Variants in MOCS1 observed in about 807,000 individuals in gnomAD.
MOCS1 encodes the protein molybdenum cofactor synthesis 1.
In MOCS1, 39 loss-of-function variants were observed where a neutral mutation model predicts 57.6. The ratio of observed to expected loss-of-function variants is 0.68; its 90% CI spans 0.52 to 0.88. The LOEUF is 0.88. Among genes scored for constraint, MOCS1 ranks in the 40% least tolerant of loss-of-function variants. The pLI is 0.00. For synonymous variants in MOCS1, 334 were observed against 335.7 expected (o/e 1.00, Z 0.05); for missense variants, 795 against 831.1 (o/e 0.96, Z 0.53).
At chr6:39,912,717 C>T (rs1397628684) in intron 7 of MOCS1, among the ~76,000 whole-genome samples, 175 bp downstream of exon 7, 4 of 152,192 alleles carry the variant, frequency 2.6e-5, no homozygotes, top group Non-Finnish European at 5.9e-5. Flanking sequence ...GCCGAGCCCA[C>T]ATCTTCATCC....
At chr6:39,907,235 G>A in intron 10 of MOCS1, 118 bp from the exon 11 acceptor site, 2 of 1,105,898 alleles carry the variant, frequency 1.8e-6, no homozygotes, top group Non-Finnish European at 2.5e-6. Flanking sequence ...ACCGGGGAAA[G>A]AGGAATGAAG....
Position 39,913,795 on chromosome 6 carries a change from C to A in MOCS1, c.624G>T (p.Glu208Asp), listed in dbSNP as rs554596404. ...KVMEGIHKAI[E>D]LGYNPVKVNC... ...TCACCTTCACAGGGTTGTAGCCCAGCTCGATGGCCTTGTGGATGCCCTCCA... is the reference window on the plus strand; with the variant it reads ...TCACCTTCACAGGGTTGTAGCCCAGATCGATGGCCTTGTGGATGCCCTCCA... Residue 208 changes from glutamate to aspartate, a missense_variant, in exon 5 of 11, where the codon GAG becomes GAT. Physicochemically the swap from Glu to Asp is conservative, Grantham distance 45. Coordinates refer to ENST00000340692, the MANE Select transcript of MOCS1 (RefSeq NM_001358530.2). 1 of 1,614,190 alleles carries A rather than the reference C, an allele frequency of 6.2e-7. No homozygotes were observed. The highest frequency in any genetic ancestry group is 8.5e-7 in the Non-Finnish European group (1 of 1,180,036).
At position 39,905,908 on chromosome 6, in the gene MOCS1, C is replaced by T. The variant is rs1766878281; in HGVS notation, c.*449G>A. ...GAGAAGTTGGGATCCATTCTTCAGG[C>T]AAGCTTGTGCTTTGCTCTCCTCAAA... On this transcript the variant is annotated 3_prime_UTR_variant, in exon 11 of 11. Coordinates refer to ENST00000340692, the MANE Select transcript of MOCS1 (RefSeq NM_001358530.2). 1 of 466,624 alleles carries T rather than the reference C, an allele frequency of 2.1e-6. No homozygotes were observed. Among genetic ancestry groups the T allele is most frequent in the African/African-American group, 2.0e-5 (1 of 49,818 alleles). 28.9% of individuals were successfully genotyped at this position (466,624 alleles called of 1,614,324 possible).
At chr6:39,912,428 C>T in intron 7 of MOCS1, 54 bp from the exon 8 acceptor site, 3 of 1,261,644 alleles carry the variant, frequency 2.4e-6, no homozygotes, top group Non-Finnish European at 3.5e-6. Context: ...GGCTACTGAG[C>T]CCAGTTTCTC....
At chr6:39,916,707 C>T (rs773510807) in intron 3 of MOCS1, among the ~76,000 whole-genome samples, 29 of 152,052 alleles carry the variant, frequency 1.9e-4, no homozygotes, top group Non-Finnish European at 3.2e-4. Flanking sequence ...CTCCATTCTA[C>T]CAAATATCCC....
At chr6:39,909,148 G>GGAGAGGGAGAGGAAAGCAGGGGAGGGT in intron 9 of MOCS1, 46 bp from the exon 10 acceptor site, 1 of 1,121,178 alleles carries the variant, frequency 8.9e-7, no homozygotes, top group East Asian at 2.4e-5. Context: ...CAGGGGAGGG[G>GGAGAGGGAGAGGAAAGCAGGGGAGGGT]GAGAGGGAGA....
In MOCS1 at chr6:39,934,420, A is replaced by AGCCT. The variant is rs1265565880; in HGVS notation, c.-7_-4dup. 1.3e-5 allele frequency: 20 copies of AGCCT among 1,567,696 alleles called. No homozygotes were observed. The highest frequency in any genetic ancestry group is 2.0e-4 in the Middle Eastern group (1 of 4,938). ...CGGGACAGTGGCCGCGCCGCCATGA[A>AGCCT]GCCTGATACGAGCGGAACCGCAGCC... On this transcript the variant is annotated 5_prime_UTR_variant, in exon 1 of 11. Transcript: ENST00000340692.
Position 39,904,589 on chromosome 6 carries a change from T to G in MOCS1, c.*1768A>C. 1 of 447,500 alleles carries G rather than the reference T, an allele frequency of 2.2e-6. No homozygotes were observed. Among genetic ancestry groups the G allele is most frequent in the Non-Finnish European group, 4.4e-6 (1 of 225,746 alleles). 27.7% of individuals were successfully genotyped at this position (447,500 alleles called of 1,614,324 possible). On this transcript the variant is annotated 3_prime_UTR_variant, in exon 11 of 11. Transcript: ENST00000340692. ...TCTCCCCTGTGATGGAAATAAAGTG[T>G]TTAGGGCAGTGGGAGGAGAAAATTC...
chr6:39,922,905 C>T (rs1189076447), intron 3 of MOCS1, among the ~76,000 whole-genome samples: 4 of 152,222 alleles, frequency 2.6e-5, no homozygotes, highest in Non-Finnish European at 2.9e-5. Flanking sequence ...CTTCTGTTCT[C>T]TCTCTTCCCC....
rs541038332 is a variant in MOCS1 at position 39,910,877 on chromosome 6, G to A, written c.982-922C>T. Among the ~76,000 whole-genome samples the A allele has an allele frequency of 1.7e-4, 26 of 150,702 alleles. No homozygotes were observed. In the South Asian group the frequency reaches 5.6e-3, roughly 33 times the overall value. ...TGGGAGATCAATGGGTAAAGGGAAAGAACAATCTTCAGGCATTTCTCCCCT... is the reference window on the plus strand; with the variant it reads ...TGGGAGATCAATGGGTAAAGGGAAAAAACAATCTTCAGGCATTTCTCCCCT... On this transcript the variant is annotated intron_variant, in intron 8 of 10. Transcript: ENST00000340692.
chr6:39,914,724 T>C (rs1228198546), intron 4 of MOCS1, among the ~76,000 whole-genome samples: 1 of 152,152 alleles, frequency 6.6e-6, no homozygotes, highest in African/African-American at 2.4e-5. Flanking sequence ...GAAAAATGTA[T>C]AGCTTTGAAA....
At chr6:39,929,867 A>C (rs1248662216) in intron 1 of MOCS1, among the ~76,000 whole-genome samples, 1 of 148,858 alleles carries the variant, frequency 6.7e-6, no homozygotes, top group East Asian at 2.1e-4. Context: ...GCTTGAACCC[A>C]GAAGGCAGAT....
At position 39,906,281 on chromosome 6, in the gene MOCS1, A is replaced by G. The variant is rs1766923347; in HGVS notation, c.*76T>C. ...ACAAACAGTGACTGTGATTAAAGGA[A>G]CCTGACGTCTTTCCCTCAGCCTACA... On this transcript the variant is annotated 3_prime_UTR_variant, in exon 11 of 11. Transcript: ENST00000340692. 1 of 1,567,912 alleles carries G rather than the reference A, an allele frequency of 6.4e-7. No individual in the cohort carries two copies. Among genetic ancestry groups the G allele is most frequent in the Non-Finnish European group, 8.8e-7 (1 of 1,141,260 alleles).
intron 5 of MOCS1, 64 bp from the exon 6 acceptor site, chr6:39,913,492 T>C (rs1041915729): frequency 2.1e-5 from 31 of 1,443,746 alleles, no homozygotes; most frequent in Non-Finnish European, 2.9e-5. Context: ...GAGATGACCC[T>C]TGGGGGCCTG....
intron 1 of MOCS1, 140 bp from the exon 2 acceptor site, chr6:39,927,595 G>A (rs763584470): frequency 5.6e-6 from 9 of 1,605,404 alleles, no homozygotes; most frequent in East Asian, 2.2e-5. Flanking sequence ...GCTCTGCAAT[G>A]TTGGGGAAGC....
At chr6:39,913,690 C>T (rs554537697) in intron 5 of MOCS1, 84 bp downstream of exon 5, 3 of 1,474,868 alleles carry the variant, frequency 2.0e-6, no homozygotes, top group Non-Finnish European at 2.8e-6. Context: ...GCTGAGGGCT[C>T]TCAAGTGGGC....
chr6:39,914,003 C>A (rs182509101), intron 4 of MOCS1, among the ~76,000 whole-genome samples, 168 bp from the exon 5 acceptor site: 2 of 152,314 alleles, frequency 1.3e-5, no homozygotes, highest in Admixed American at 1.3e-4. Flanking sequence ...AATTGAGGAT[C>A]CGTGTAAGTA....
intron 1 of MOCS1, chr6:39,927,692 G>A: frequency 6.5e-7 from 1 of 1,539,958 alleles, no homozygotes; most frequent in Admixed American, 1.9e-5. Context: ...GGCGGATGGT[G>A]ATCTCTACTG....
chr6:39,907,266 A>C (rs922549522), intron 10 of MOCS1, 149 bp from the exon 11 acceptor site: 1 of 870,774 alleles, frequency 1.1e-6, no homozygotes, highest in Non-Finnish European at 1.7e-6. Flanking sequence ...ATAGTGGGAC[A>C]AGACAAAGTA....
Sources: gnomAD v4.1 joint callset for allele counts (sites outside exome capture counted in the v4.1 genomes callset) on GRCh38, gnomAD v4.1.1 for gene constraint, MANE v1.5 for transcripts, NCBI Gene and HGNC (gene_info 2026-07-23, HGNC 2026-07-21) for gene names.